The following LINGO2 variants were observed in gnomAD, a reference collection of about 807,000 sequenced individuals.
The protein encoded by LINGO2 is leucine-rich repeat and immunoglobulin-like domain-containing nogo receptor-interacting protein 2.
A neutral mutation model predicts 30.6 loss-of-function variants in LINGO2; 14 were observed. That is an observed-to-expected ratio of 0.46 (90% CI 0.30 to 0.72). LINGO2 has a LOEUF of 0.72. Ranked by LOEUF, LINGO2 falls within the 30% of genes least tolerant of loss-of-function variation. The pLI is 0.07. For synonymous variants in LINGO2, 317 were observed against 288.5 expected, an observed-to-expected ratio of 1.10 and a Z score of -1.00; for missense variants, 729 against 751.7, an observed-to-expected ratio of 0.97 and a Z score of 0.35.
intron 3 of LINGO2, among the ~76,000 whole-genome samples, chr9:28,314,411 G>A (rs996761730): frequency 6.6e-6 from 1 of 152,078 alleles, no homozygotes; most frequent in Non-Finnish European, 1.5e-5. Flanking sequence ...AATTTTAGAG[G>A]AGAAAAGGAG....
intron 5 of LINGO2, among the ~76,000 whole-genome samples, chr9:28,004,693 C>A (rs1822172219): frequency 6.6e-6 from 1 of 151,954 alleles, no homozygotes; most frequent in African/African-American, 2.4e-5. Flanking sequence ...GGCACCTGAA[C>A]AAATTAATGG....
intron 4 of LINGO2, among the ~76,000 whole-genome samples, chr9:28,208,046 C>T (rs1425611012): frequency 6.6e-6 from 1 of 152,006 alleles, no homozygotes; most frequent in Non-Finnish European, 1.5e-5. Flanking sequence ...AGTATAGCTG[C>T]TTTTACAGCA....
At chr9:28,582,789 AATT>A (rs1235253631) in intron 1 of LINGO2, among the ~76,000 whole-genome samples, 1 of 152,062 alleles carries the variant, frequency 6.6e-6, no homozygotes, top group East Asian at 1.9e-4. Context: ...TGTCAAGTTA[AATT>A]ATTATTACTT....
intron 4 of LINGO2, among the ~76,000 whole-genome samples, chr9:28,133,728 A>C (rs1827438351): frequency 6.6e-6 from 1 of 152,136 alleles, no homozygotes; most frequent in Non-Finnish European, 1.5e-5. Context: ...ATCCCTCTTC[A>C]ATCTTCTTTC....
the LINGO2 span, among the ~76,000 whole-genome samples, chr9:28,749,406 T>G: frequency 6.6e-6 from 1 of 152,054 alleles, no homozygotes; most frequent in Non-Finnish European, 1.5e-5. Context: ...ATATAGAGAA[T>G]AATGAGTTAG....
At chr9:29,153,127 A>G in the LINGO2 span, among the ~76,000 whole-genome samples, 9 of 152,150 alleles carry the variant, frequency 5.9e-5, no homozygotes, top group African/African-American at 2.2e-4. Flanking sequence ...AAGTACAGTT[A>G]AAGAATCTAG....
chr9:28,072,098 G>T (rs1482477403), intron 4 of LINGO2, among the ~76,000 whole-genome samples: 1 of 151,958 alleles, frequency 6.6e-6, no homozygotes, highest in Non-Finnish European at 1.5e-5. Context: ...TTAACACAAA[G>T]CATGATCTAT....
the LINGO2 span, among the ~76,000 whole-genome samples, chr9:29,081,195 G>A: frequency 2.8e-4 from 42 of 152,076 alleles, no homozygotes; most frequent in Admixed American, 2.0e-3. Flanking sequence ...CTGGCAAACC[G>A]AATCCAGCAG....
the LINGO2 span, among the ~76,000 whole-genome samples, chr9:28,826,913 T>C: frequency 2.6e-5 from 4 of 152,238 alleles, no homozygotes; most frequent in East Asian, 3.9e-4. Flanking sequence ...TTTTCCTCCA[T>C]TGAAAAATTT....
chr9:27,998,326 G>A (rs1587650179), intron 5 of LINGO2, among the ~76,000 whole-genome samples: 4 of 152,294 alleles, frequency 2.6e-5, no homozygotes, highest in Non-Finnish European at 1.5e-5. Context: ...ACTGCTCAAA[G>A]ACCATTATGC....
Position 28,492,875 on chromosome 9 carries a change from G to T in LINGO2, c.-364-16850C>A, listed in dbSNP as rs1296006287. On this transcript the variant is annotated intron_variant, in intron 1 of 5. Coordinates refer to ENST00000379992, the Ensembl canonical transcript of LINGO2. ...CAAAAAAACGGTGAGGGGAGCGGGC[G>T]GGTGGACTACTTCATCACTGAGCAA... Among the ~76,000 whole-genome samples the T allele has an allele frequency of 5.3e-5, 8 of 152,112 alleles. No individual in the cohort carries two copies. The East Asian group carries it at 1.2e-3, about 22-fold the overall frequency.
At chr9:28,804,202 G>A in the LINGO2 span, among the ~76,000 whole-genome samples, 1,030 of 152,150 alleles carry the variant, frequency 6.8e-3, 14 homozygotes, top group African/African-American at 0.023. Context: ...AAATGAGGAC[G>A]AAAGTAAACA....
rs190675190 is a variant in LINGO2 at position 28,548,487 on chromosome 9, C to A, written c.-364-72462G>T. ...TTGGGAGGCCGAGACGGGTGGTTCA[C>A]GAGGGCAAGAGATTGAGGCCATCCT... On this transcript the variant is annotated intron_variant, in intron 1 of 5. Transcript: ENST00000379992. 2.6e-3 allele frequency among the ~76,000 whole-genome samples: 397 copies of A among 151,888 alleles called. 1 individual carries two copies. The highest frequency in any genetic ancestry group is 4.7e-3 in the Non-Finnish European group (317 of 67,946).
chr9:28,504,461 T>G (rs1270214189), intron 1 of LINGO2, among the ~76,000 whole-genome samples: 2 of 151,818 alleles, frequency 1.3e-5, no homozygotes, highest in Non-Finnish European at 2.9e-5. Context: ...AGTACACACA[T>G]AAGGCTTCTA....
chr9:29,000,363 G>T, the LINGO2 span, among the ~76,000 whole-genome samples: 1 of 151,760 alleles, frequency 6.6e-6, no homozygotes, highest in Non-Finnish European at 1.5e-5. Context: ...CATTCCCAGA[G>T]TCTGCATACA....
chr9:29,071,354 G>A, the LINGO2 span, among the ~76,000 whole-genome samples: 1 of 150,460 alleles, frequency 6.6e-6, no homozygotes, highest in Non-Finnish European at 1.5e-5. Context: ...ACCATGCCTG[G>A]CAAAAGTCAT....
chr9:28,567,658 G>A lies in LINGO2; in HGVS notation c.-364-91633C>T, dbSNP rs115735033. On this transcript the variant is annotated intron_variant, in intron 1 of 5. Transcript: ENST00000379992. ...TGGGGACTCCAAAAGTGAAGAGGAT[G>A]GGAGAGAGGCAAGGGTTGAAAAACT... Among the ~76,000 whole-genome samples, 765 of 152,134 alleles carry A rather than the reference G, an allele frequency of 5.0e-3. 5 individuals are homozygous for A. Among genetic ancestry groups the A allele is most frequent in the African/African-American group, 0.018 (734 of 41,550 alleles).
the LINGO2 span, among the ~76,000 whole-genome samples, chr9:29,032,021 A>G: frequency 3.3e-5 from 5 of 152,282 alleles, no homozygotes; most frequent in South Asian, 1.0e-3. Context: ...TTGTAATACA[A>G]AATAGCAATC....
chr9:28,917,686 A>G, the LINGO2 span, among the ~76,000 whole-genome samples: 1 of 152,090 alleles, frequency 6.6e-6, no homozygotes, highest in East Asian at 1.9e-4. Flanking sequence ...GCAGTGATTT[A>G]CATTTTCTTC....
Sources: gnomAD v4.1 joint callset for allele counts (sites outside exome capture counted in the v4.1 genomes callset) on GRCh38, gnomAD v4.1.1 for gene constraint, MANE v1.5 for transcripts, NCBI Gene and HGNC (gene_info 2026-07-23, HGNC 2026-07-21) for gene names.